KBTBD6: variants seen among roughly 807,000 people sequenced by gnomAD.
KBTBD6 encodes the protein kelch repeat and BTB domain-containing protein 6.
In KBTBD6, 6 loss-of-function variants were observed where a neutral mutation model predicts 34.4. The observed-to-expected ratio is 0.17, with a 90% confidence interval of 0.10 to 0.34. KBTBD6 has a LOEUF of 0.34. KBTBD6 is among the 10% of genes least tolerant of loss of function. The probability of loss-of-function intolerance (pLI) is 1.00; values close to 1 mark genes in which losing one functional copy is unlikely to be tolerated. For missense variants in KBTBD6, 557 were observed against 856.0 expected (o/e 0.65, Z 4.36); for synonymous variants, 288 against 327.2 (o/e 0.88, Z 1.29).
Position 41,128,984 on chromosome 13 carries a change from C to A in KBTBD6, c.*1503G>T, listed in dbSNP as rs2030040313. The A allele has an allele frequency of 6.5e-6, 1 of 154,232 alleles. No homozygotes were observed. The highest frequency in any genetic ancestry group is 1.4e-5 in the Non-Finnish European group (1 of 69,238). The allele number at this position is 154,232 out of a possible 1,614,324, so 9.6% of individuals were successfully genotyped here. On this transcript the variant is annotated 3_prime_UTR_variant, in exon 1 of 1. Coordinates refer to ENST00000379485, the MANE Select transcript of KBTBD6 (RefSeq NM_152903.5). ...ACTGTCAACTTGTAATACAAAAATACCTTCAAGCTGATAATCAAGAACATT... is the reference window on the plus strand; with the variant it reads ...ACTGTCAACTTGTAATACAAAAATAACTTCAAGCTGATAATCAAGAACATT...
At position 41,131,857 on chromosome 13, in the gene KBTBD6, G is replaced by T; in HGVS notation, c.655C>A (p.Leu219Met). 6.2e-7 allele frequency: 1 copy of T among 1,614,244 alleles called. No individual in the cohort carries two copies. The highest frequency in any genetic ancestry group is 1.7e-5 in the Admixed American group (1 of 60,034). The change falls in exon 1 of 1, where the codon CTG becomes ATG. Residue 219 changes from leucine to methionine, a missense_variant. Leu to Met is a conservative substitution (Grantham distance 15). This residue lies in a region of KBTBD6 where 100 missense variants were observed against 102.1 expected (regional missense o/e 0.98). Coordinates refer to ENST00000379485, the MANE Select transcript of KBTBD6 (RefSeq NM_152903.5). This position sits in a 1 kb window ranked among gnomAD's most constrained non-coding sequence, Gnocchi z 5.8. ...CGCAGGACAGCCAGCAGCTGGGCCA[G>T]GGTCAGATCTGCTAGAGTCTCCTCC... ...IREETLADLT[L>M]AQLLAVLRLD...
rs1005166040 is a variant in KBTBD6, at chr13:41,132,668, C to T, written c.-157G>A. The stretch of plus-strand genomic sequence containing the variant: ...AATTCAACCCTACCCCGCAGAACCG[C>T]CTCCCGTTATCGTTTAGACAGTGGC... On this transcript the variant is annotated 5_prime_UTR_variant, in exon 1 of 1. Coordinates refer to ENST00000379485, the MANE Select transcript of KBTBD6 (RefSeq NM_152903.5). 6 of 806,106 alleles carry T rather than the reference C, an allele frequency of 7.4e-6. No individual in the cohort carries two copies. The Admixed American group carries it at 8.7e-5, about 12-fold the overall frequency. 49.9% of individuals were successfully genotyped at this position (806,106 alleles called of 1,614,324 possible).
In KBTBD6 at chr13:41,131,472, A is replaced by T; in HGVS notation, c.1040T>A (p.Ile347Asn). 2 of 1,614,184 alleles carry T rather than the reference A, an allele frequency of 1.2e-6. No individual in the cohort carries two copies. Among genetic ancestry groups the T allele is most frequent in the South Asian group, 2.2e-5 (2 of 91,082 alleles). The change falls in exon 1 of 1, where the codon ATC becomes AAC. Residue 347 changes from isoleucine (I) to asparagine (N), a missense_variant. Transcript: ENST00000379485. The surrounding 1 kb of genome is among the most constrained non-coding windows in gnomAD (Gnocchi z 5.8). ...GGGATCTCTGGGGTGTCCAAAGAAGATCACCATCTCCTTGGCACACATACC... is the reference window on the plus strand; with the variant it reads ...GGGATCTCTGGGGTGTCCAAAGAAGTTCACCATCTCCTTGGCACACATACC... The part of the protein sequence containing the change: ...RLGMCAKEMV[I>N]FFGHPRDPFL...
In KBTBD6 at chr13:41,132,097, C is replaced by G; in HGVS notation, c.415G>C (p.Ala139Pro). 6.2e-7 allele frequency: 1 copy of G among 1,614,236 alleles called. No homozygotes were observed. Among genetic ancestry groups the G allele is most frequent in the Non-Finnish European group, 8.5e-7 (1 of 1,180,056 alleles). The change falls in exon 1 of 1, where the codon GCC becomes CCC. Residue 139 changes from alanine to proline, a missense_variant. Coordinates refer to ENST00000379485, the MANE Select transcript of KBTBD6 (RefSeq NM_152903.5). ...CYTGRVSLSE[A>P]NVERLYAASD... ...GCCGCGTACAGGCGCTCCACGTTGG[C>G]CTCACTGAGAGACACACGACCCGTG... is the stretch of plus-strand genomic sequence containing the variant.
In KBTBD6 at chr13:41,130,963, C is replaced by T. The variant is rs756607623; in HGVS notation, c.1549G>A (p.Glu517Lys). 1.2e-6 allele frequency: 2 copies of T among 1,614,122 alleles called. No individual in the cohort carries two copies. Among genetic ancestry groups the T allele is most frequent in the South Asian group, 2.2e-5 (2 of 91,084 alleles). ...CVSLKRNDFQ[E>K]ACVFNEEIYC... ...ATCTCCTCATTGAAGACGCAGGCTT[C>T]CTGAAAGTCATTGCGCTTCAGAGAA... The change falls in exon 1 of 1, where the codon GAA (glutamate) becomes AAA (lysine). Residue 517 changes from glutamate to lysine, a missense_variant. Glu to Lys is a moderately conservative substitution (Grantham distance 56). Coordinates refer to ENST00000379485, the MANE Select transcript of KBTBD6 (RefSeq NM_152903.5). This position sits in a 1 kb window ranked among gnomAD's most constrained non-coding sequence, Gnocchi z 4.8.
chr13:41,132,397 C>T lies in KBTBD6; in HGVS notation c.115G>A (p.Glu39Lys). Reference protein sequence around the residue: ...TVSAFFTGPEELKDTAHSAAL... With the variant: ...TVSAFFTGPEKLKDTAHSAAL... ...GCAGAATGGGCCGTGTCCTTTAATTCCTCTGGACCCGTGAAAAAGGCCGAA... is the reference window on the plus strand; with the variant it reads ...GCAGAATGGGCCGTGTCCTTTAATTTCTCTGGACCCGTGAAAAAGGCCGAA... Residue 39 changes from glutamate to lysine, a missense_variant, in exon 1 of 1, where the codon GAA (glutamate) becomes AAA (lysine). Coordinates refer to ENST00000379485, the MANE Select transcript of KBTBD6 (RefSeq NM_152903.5). 1 of 1,614,224 alleles carries T rather than the reference C, an allele frequency of 6.2e-7. No individual in the cohort carries two copies. Among genetic ancestry groups the T allele is most frequent in the South Asian group, 1.1e-5 (1 of 91,092 alleles).
In KBTBD6 at chr13:41,131,184, C is replaced by T. The variant is rs1487340078; in HGVS notation, c.1328G>A (p.Arg443Gln). 1.2e-6 allele frequency: 2 copies of T among 1,614,164 alleles called. No individual in the cohort carries two copies. Among genetic ancestry groups the T allele is most frequent in the Non-Finnish European group, 1.7e-6 (2 of 1,180,040 alleles). ...LNGYIYILGG[R>Q]DPITGVKLKE... ...CAACTTAACTCCAGTAATAGGGTCTCGCCCCCCCAAAATGTAGATATAGCC... is the reference window on the plus strand; with the variant it reads ...CAACTTAACTCCAGTAATAGGGTCTTGCCCCCCCAAAATGTAGATATAGCC... Residue 443 changes from arginine (R) to glutamine (Q), a missense_variant, in exon 1 of 1, where the codon CGA becomes CAA. Physicochemically the swap from Arg to Gln is conservative, Grantham distance 43. Around this residue, in one of 4 missense-constraint regions of KBTBD6, gnomAD observed 309 missense variants for 504.5 expected, o/e 0.61. Coordinates refer to ENST00000379485, the MANE Select transcript of KBTBD6 (RefSeq NM_152903.5). This position sits in a 1 kb window ranked among gnomAD's most constrained non-coding sequence, Gnocchi z 5.8.
chr13:41,129,928 G>C lies in KBTBD6; in HGVS notation c.*559C>G, dbSNP rs1348274350. On this transcript the variant is annotated 3_prime_UTR_variant, in exon 1 of 1. Transcript: ENST00000379485. ...GATCCACCTGCCTCGGCCTCCCAAA[G>C]TGCTAGGATTACAGGCGTGAGCCAC... 6.6e-6 allele frequency: 1 copy of C among 152,122 alleles called. No individual in the cohort carries two copies. The highest frequency in any genetic ancestry group is 1.5e-5 in the Non-Finnish European group (1 of 68,188). 9.4% of individuals were successfully genotyped at this position (152,122 alleles called of 1,614,324 possible).
In KBTBD6 at chr13:41,132,595, TAA is replaced by T. The variant is rs2030130532; in HGVS notation, c.-86_-85del. The T allele has an allele frequency of 1.4e-6, 2 of 1,469,772 alleles. No homozygotes were observed. The highest frequency in any genetic ancestry group is 2.0e-5 in the Admixed American group (1 of 50,348). 91.0% of individuals were successfully genotyped at this position (1,469,772 alleles called of 1,614,324 possible). On this transcript the variant is annotated 5_prime_UTR_variant, in exon 1 of 1. It removes the in-frame stop codon of an upstream open reading frame in the 5' UTR. Coordinates refer to ENST00000379485, the MANE Select transcript of KBTBD6 (RefSeq NM_152903.5). ...CTCCTCAACCTTCCCTCGCTGACGC[TAA>T]GATAGCAGCGTCTCCGAAGAGACAG...
chr13:41,130,451 A>G lies in KBTBD6; in HGVS notation c.*36T>C. 1 of 1,436,224 alleles carries G rather than the reference A, an allele frequency of 7.0e-7. No homozygotes were observed. The allele number at this position is 1,436,224 out of a possible 1,614,324, so 89.0% of individuals were successfully genotyped here. A position where few individuals can be genotyped will look rare whatever the true frequency, so the allele number is the denominator to read the frequency against. On this transcript the variant is annotated 3_prime_UTR_variant, in exon 1 of 1. Transcript: ENST00000379485. This position sits in a 1 kb window ranked among gnomAD's most constrained non-coding sequence, Gnocchi z 4.8. The stretch of plus-strand genomic sequence containing the variant: ...ACAGTAAAAACAACTTAGTGTTTCA[A>G]TCTAGTTACAACAAACCCTGTTGAT...
rs1006624455 is a variant in KBTBD6, at chr13:41,129,849, G to C, written c.*638C>G. On this transcript the variant is annotated 3_prime_UTR_variant, in exon 1 of 1. Coordinates refer to ENST00000379485, the MANE Select transcript of KBTBD6 (RefSeq NM_152903.5). ...CGCCCAGCTAATTTTTGTATTTTTA[G>C]TAGAGACGGGGTTTCACCATGTTGG... 3 of 151,706 alleles carry C rather than the reference G, an allele frequency of 2.0e-5. No homozygotes were observed. The highest frequency in any genetic ancestry group is 2.9e-5 in the Non-Finnish European group (2 of 68,008). The allele number at this position is 151,706 out of a possible 1,614,324, so 9.4% of individuals were successfully genotyped here. A position where few individuals can be genotyped will look rare whatever the true frequency, so the allele number is the denominator to read the frequency against.
Position 41,131,360 on chromosome 13 carries a change from A to G in KBTBD6, c.1152T>C (p.Thr384=), listed in dbSNP as rs760013364. 1.4e-5 allele frequency: 23 copies of G among 1,614,044 alleles called. No homozygotes were observed. Among genetic ancestry groups the G allele is most frequent in the South Asian group, 1.3e-4 (12 of 91,084 alleles). Residue 384 remains threonine (T), a synonymous_variant, in exon 1 of 1, where the codon ACT becomes ACC. Coordinates refer to ENST00000379485, the MANE Select transcript of KBTBD6 (RefSeq NM_152903.5). The surrounding 1 kb of genome is among the most constrained non-coding windows in gnomAD (Gnocchi z 5.8). ...GGTCAGGAGAGATACAGACAGCTAA[A>G]GTGGTGACAGTCCTAGTGTGAGCCA... ...TCLAHTRTVT[T]LAVCISPDHD... is the part of the protein sequence containing the mutation.
Position 41,130,427 on chromosome 13 carries a change from C to T in KBTBD6, c.*60G>A. ...AGGATATTTAAGATATTTTCCAAAA[C>T]AGTAAAAACAACTTAGTGTTTCAAT... On this transcript the variant is annotated 3_prime_UTR_variant, in exon 1 of 1. Coordinates refer to ENST00000379485, the MANE Select transcript of KBTBD6 (RefSeq NM_152903.5). This position sits in a 1 kb window ranked among gnomAD's most constrained non-coding sequence, Gnocchi z 4.8. 8.1e-7 allele frequency: 1 copy of T among 1,236,616 alleles called. No homozygotes were observed. The highest frequency in any genetic ancestry group is 1.1e-6 in the Non-Finnish European group (1 of 881,714). 76.6% of individuals were successfully genotyped at this position (1,236,616 alleles called of 1,614,324 possible). A position where few individuals can be genotyped will look rare whatever the true frequency, so the allele number is the denominator to read the frequency against.
In KBTBD6 at chr13:41,128,250, A is replaced by G; in HGVS notation, c.*2237T>C. 3.6e-6 allele frequency: 1 copy of G among 280,976 alleles called. No individual in the cohort carries two copies. Among genetic ancestry groups the G allele is most frequent in the Non-Finnish European group, 6.6e-6 (1 of 150,908 alleles). The allele number at this position is 280,976 out of a possible 1,614,324, so 17.4% of individuals were successfully genotyped here. A position where few individuals can be genotyped will look rare whatever the true frequency, so the allele number is the denominator to read the frequency against. The stretch of plus-strand genomic sequence containing the variant: ...ACTAGAAAATAAACACTGAAGAGGA[A>G]TTAGCATGTTAATGAACAAAGATTA... On this transcript the variant is annotated 3_prime_UTR_variant, in exon 1 of 1. Transcript: ENST00000379485.
rs773966074 is a variant in KBTBD6, at chr13:41,131,509, G to A, written c.1003C>T (p.Pro335Ser). ...NSLVSAAENP[P>S]QRLGMCAKEM... ...TTGGCACACATACCCAGTCTCTGGG[G>A]TGGATTTTCTGCTGCAGATACAAGA... Residue 335 changes from proline to serine, a missense_variant, in exon 1 of 1, where the codon CCC becomes TCC. Physicochemically the swap from Pro to Ser is moderately conservative, Grantham distance 74. Coordinates refer to ENST00000379485, the MANE Select transcript of KBTBD6 (RefSeq NM_152903.5). This position sits in a 1 kb window ranked among gnomAD's most constrained non-coding sequence, Gnocchi z 5.8. 2.5e-6 allele frequency: 4 copies of A among 1,614,188 alleles called. No individual in the cohort carries two copies. The South Asian group carries it at 3.3e-5, about 13-fold the overall frequency.
rs900548265 is a variant in KBTBD6 at position 41,132,619 on chromosome 13, A to G, written c.-108T>C. 2.3e-6 allele frequency: 3 copies of G among 1,305,072 alleles called. No homozygotes were observed. The highest frequency in any genetic ancestry group is 2.3e-5 in the Admixed American group (1 of 43,512). The allele number at this position is 1,305,072 out of a possible 1,614,324, so 80.8% of individuals were successfully genotyped here. On this transcript the variant is annotated 5_prime_UTR_variant, in exon 1 of 1. Coordinates refer to ENST00000379485, the MANE Select transcript of KBTBD6 (RefSeq NM_152903.5). ...CTAAGATAGCAGCGTCTCCGAAGAG[A>G]CAGCAGCACGAGCCCATTTACTGAA...
chr13:41,131,802 T>C lies in KBTBD6; in HGVS notation c.710A>G (p.Gln237Arg), dbSNP rs1443617421. Residue 237 changes from glutamine to arginine, a missense_variant, in exon 1 of 1, where the codon CAG (glutamine) becomes CGG (arginine). Transcript: ENST00000379485. This position sits in a 1 kb window ranked among gnomAD's most constrained non-coding sequence, Gnocchi z 5.8. ...CTGCACTGCCACATGGCACACTGTC[T>C]GCTCACTCTCCACGTCCAGACTATC... ...RLDSLDVESE[Q>R]TVCHVAVQWL... 2.5e-6 allele frequency: 4 copies of C among 1,614,122 alleles called. No individual in the cohort carries two copies. In the East Asian group the frequency reaches 6.7e-5, roughly 27 times the overall value.
chr13:41,131,926 T>C lies in KBTBD6; in HGVS notation c.586A>G (p.Ile196Val). 1.2e-6 allele frequency: 2 copies of C among 1,614,236 alleles called. No individual in the cohort carries two copies. Among genetic ancestry groups the C allele is most frequent in the Non-Finnish European group, 1.7e-6 (2 of 1,180,038 alleles). The stretch of plus-strand genomic sequence containing the variant: ...CTGAGTTGCTTGAAGTTCTGAGCTA[T>C]ATAGGACTGGGCCTGGGATCGCAGC... ...RKLRSQAQSY[I>V]AQNFKQLSHM... The change falls in exon 1 of 1, where the codon ATA becomes GTA. Residue 196 changes from isoleucine to valine, a missense_variant. Physicochemically the swap from Ile to Val is conservative, Grantham distance 29. This residue lies in a region of KBTBD6 where 100 missense variants were observed against 102.1 expected (regional missense o/e 0.98). Transcript: ENST00000379485. The surrounding 1 kb of genome is among the most constrained non-coding windows in gnomAD (Gnocchi z 5.8).
At position 41,130,628 on chromosome 13, in the gene KBTBD6, A is replaced by G. The variant is rs1286421005; in HGVS notation, c.1884T>C (p.Ser628=). Residue 628 remains serine, a synonymous_variant, in exon 1 of 1, where the codon AGT becomes AGC. Coordinates refer to ENST00000379485, the MANE Select transcript of KBTBD6 (RefSeq NM_152903.5). This position sits in a 1 kb window ranked among gnomAD's most constrained non-coding sequence, Gnocchi z 4.8. ...GTATTTCTTCTTCTTCAGTGAGGAAACTCTGACCAGGTTCAAGGCAGGAAG... is the reference window on the plus strand; with the variant it reads ...GTATTTCTTCTTCTTCAGTGAGGAAGCTCTGACCAGGTTCAAGGCAGGAAG... The part of the protein sequence containing the change: ...VYPSCLEPGQ[S]FLTEEEEIPS... 1 of 1,614,182 alleles carries G rather than the reference A, an allele frequency of 6.2e-7. No individual in the cohort carries two copies. Among genetic ancestry groups the G allele is most frequent in the Non-Finnish European group, 8.5e-7 (1 of 1,180,034 alleles).
Sources: gnomAD v4.1 joint callset for allele counts on GRCh38, gnomAD v4.1.1 for gene constraint, gnomAD v4.1.1 regional missense constraint, Gnocchi (gnomAD v3.1) non-coding constraint, MANE v1.5 for transcripts, NCBI Gene and HGNC (gene_info 2026-07-23, HGNC 2026-07-21) for gene names.